Variants in EEF1AKMT1 observed in about 807,000 individuals in gnomAD.
The protein encoded by EEF1AKMT1 is EEF1A lysine methyltransferase 1.
In EEF1AKMT1, 18 loss-of-function variants were observed where a neutral mutation model predicts 21.0. The ratio of observed to expected loss-of-function variants is 0.86; its 90% confidence interval spans 0.59 to 1.27. The LOEUF (loss-of-function observed/expected upper bound fraction) is 1.27, where lower values mean the gene tolerates loss of function less well. Ranked by LOEUF, EEF1AKMT1 falls within the 50% of genes most tolerant of loss-of-function variation. The pLI, the probability that EEF1AKMT1 is intolerant of heterozygous loss-of-function variation, is 0.00. For synonymous variants in EEF1AKMT1, 109 were observed against 94.8 expected (o/e 1.15, Z -0.87); for missense variants, 246 against 258.6 (o/e 0.95, Z 0.33).
intron 2 of EEF1AKMT1, among the ~76,000 whole-genome samples, chr13:20,741,353 A>G (rs999662279): frequency 1.3e-5 from 2 of 151,948 alleles, no homozygotes; most frequent in African/African-American, 2.4e-5. Flanking sequence ...CTGCTGTTCC[A>G]TAGACCATCT....
At position 20,732,109 on chromosome 13, in the gene EEF1AKMT1, C is replaced by G. The variant is rs1321614130; in HGVS notation, c.240G>C (p.Val80=). ...GTTTCTGGTAAACACTAGGGGCACT[C>G]ACACATGCGATTCTAGGAGACAAAA... is the stretch of plus-strand genomic sequence containing the variant. The part of the protein sequence containing the change: ...AVGEGGRIAC[V]SAPSVYQKLR... The change falls in exon 4 of 5, where the codon GTG becomes GTC. Residue 80 remains valine (V), a synonymous_variant. Coordinates refer to ENST00000382758, the MANE Select transcript of EEF1AKMT1 (RefSeq NM_001318939.2). The G allele has an allele frequency of 1.9e-6, 3 of 1,610,152 alleles. No individual in the cohort carries two copies. The highest frequency in any genetic ancestry group is 2.2e-5 in the East Asian group (1 of 44,844).
rs71198993 is a variant in EEF1AKMT1, at chr13:20,729,487, T to TACAC, written c.509-275_509-272dup. ...CACTTAGAAATTTAGAAGCAGATTA[T>TACAC]ACACACACACACACACACACGTACT... On this transcript the variant is annotated intron_variant, in intron 4 of 4. Coordinates refer to ENST00000382758, the MANE Select transcript of EEF1AKMT1 (RefSeq NM_001318939.2). 9.0e-4 allele frequency among the ~76,000 whole-genome samples: 135 copies of TACAC among 150,692 alleles called. 1 individual carries two copies. The highest frequency in any genetic ancestry group is 4.3e-3 in the East Asian group (22 of 5,112).
At chr13:20,742,797 C>T (rs534730392) in intron 2 of EEF1AKMT1, among the ~76,000 whole-genome samples, 18 of 152,316 alleles carry the variant, frequency 1.2e-4, no homozygotes, top group African/African-American at 4.3e-4. Flanking sequence ...CAACAAGTAA[C>T]AGACCCCACT....
intron 1 of EEF1AKMT1, among the ~76,000 whole-genome samples, chr13:20,758,410 T>G (rs904390654): frequency 6.6e-6 from 1 of 152,200 alleles, no homozygotes; most frequent in African/African-American, 2.4e-5. Context: ...AACCAATATA[T>G]GCCTTACATG....
chr13:20,750,541 A>G (rs1048318845), intron 2 of EEF1AKMT1, among the ~76,000 whole-genome samples: 8 of 152,170 alleles, frequency 5.3e-5, no homozygotes, highest in Admixed American at 3.9e-4. Context: ...TTTTATGGCT[A>G]AACAGTATTC....
chr13:20,771,022 G>A (rs548474162), intron 1 of EEF1AKMT1, among the ~76,000 whole-genome samples: 2 of 152,110 alleles, frequency 1.3e-5, no homozygotes, highest in South Asian at 4.2e-4. Flanking sequence ...TGGGACTACA[G>A]ATGCACACTA....
At chr13:20,734,545 C>T (rs1294076463) in intron 3 of EEF1AKMT1, among the ~76,000 whole-genome samples, 2 of 152,116 alleles carry the variant, frequency 1.3e-5, no homozygotes, top group Non-Finnish European at 2.9e-5. Flanking sequence ...AGTAAGCACT[C>T]AATAAATGCG....
At chr13:20,739,233 C>T (rs960202959) in intron 2 of EEF1AKMT1, among the ~76,000 whole-genome samples, 12 of 152,228 alleles carry the variant, frequency 7.9e-5, no homozygotes, top group Admixed American at 2.0e-4. Flanking sequence ...GAGACCTTCA[C>T]GGTGAGTGTT....
At chr13:20,770,297 G>A (rs577307383) in intron 1 of EEF1AKMT1, among the ~76,000 whole-genome samples, 72 of 151,904 alleles carry the variant, frequency 4.7e-4, no homozygotes, top group South Asian at 2.7e-3. Flanking sequence ...GTTGCTAGGG[G>A]CTGGGGGGAG....
chr13:20,760,123 A>AAAAAAAAAAAAAAAAAAAAG, intron 1 of EEF1AKMT1, among the ~76,000 whole-genome samples: 2 of 127,468 alleles, frequency 1.6e-5, no homozygotes, highest in African/African-American at 3.0e-5. Flanking sequence ...AAAAAAAAAA[A>AAAAAAAAAAAAAAAAAAAAG]AAGTCAAAAA....
intron 1 of EEF1AKMT1, among the ~76,000 whole-genome samples, chr13:20,764,067 A>G (rs1009852968): frequency 5.3e-5 from 8 of 149,588 alleles, no homozygotes; most frequent in Admixed American, 2.6e-4. Context: ...TTTTTGCATC[A>G]TTGACTTTAT....
chr13:20,755,589 T>G (rs1018784761), intron 2 of EEF1AKMT1, among the ~76,000 whole-genome samples: 1 of 152,260 alleles, frequency 6.6e-6, no homozygotes, highest in Non-Finnish European at 1.5e-5. Context: ...CTCTCCTTCC[T>G]CACCTTAGGT....
chr13:20,743,121 C>A (rs188431550), intron 2 of EEF1AKMT1, among the ~76,000 whole-genome samples: 1 of 152,062 alleles, frequency 6.6e-6, no homozygotes, highest in Non-Finnish European at 1.5e-5. Flanking sequence ...GCCTGGAGTG[C>A]AGTGGCGCAA....
chr13:20,756,199 T>C (rs553915645), intron 2 of EEF1AKMT1, among the ~76,000 whole-genome samples: 174 of 152,252 alleles, frequency 1.1e-3, no homozygotes, highest in African/African-American at 4.0e-3. Context: ...TTGCAAAGTG[T>C]TGAAGATACA....
chr13:20,772,403 A>G (rs1290221115), intron 1 of EEF1AKMT1, among the ~76,000 whole-genome samples: 1 of 152,156 alleles, frequency 6.6e-6, no homozygotes, highest in Non-Finnish European at 1.5e-5. Flanking sequence ...GCCTAGAGAC[A>G]TTTTTGGTTG....
intron 1 of EEF1AKMT1, among the ~76,000 whole-genome samples, chr13:20,761,587 G>A (rs1235561108): frequency 6.6e-6 from 1 of 152,118 alleles, no homozygotes; most frequent in Non-Finnish European, 1.5e-5. Flanking sequence ...AGAGTATGAT[G>A]TTGGATTTTA....
intron 3 of EEF1AKMT1, among the ~76,000 whole-genome samples, chr13:20,734,577 ATTATTTAT>A (rs10594463): frequency 0.25 from 36,169 of 147,580 alleles, 5,876 homozygotes; most frequent in East Asian, 0.76. Flanking sequence ...TCTTTATTTT[ATTATTTAT>A]TTATTTATTT....
intron 2 of EEF1AKMT1, among the ~76,000 whole-genome samples, chr13:20,744,285 A>T (rs1194734439): frequency 3.3e-5 from 5 of 152,154 alleles, no homozygotes; most frequent in African/African-American, 1.2e-4. Flanking sequence ...GGTTGAACTA[A>T]TTTACACTCC....
At chr13:20,730,757 A>G (rs567711890) in intron 4 of EEF1AKMT1, among the ~76,000 whole-genome samples, 2 of 152,218 alleles carry the variant, frequency 1.3e-5, no homozygotes, top group Non-Finnish European at 2.9e-5. Flanking sequence ...ACCAATCAGC[A>G]CTCTGTAGAA....
Sources: gnomAD v4.1 joint callset for allele counts (sites outside exome capture counted in the v4.1 genomes callset) on GRCh38, gnomAD v4.1.1 for gene constraint, MANE v1.5 for transcripts, NCBI Gene and HGNC (gene_info 2026-07-23, HGNC 2026-07-21) for gene names.